Variants in NRG4 observed in about 807,000 individuals in gnomAD.
The protein encoded by NRG4 is neuregulin 4, also known as pro-neuregulin-4, membrane-bound isoform.
NRG4 carries 10 observed loss-of-function variants against 15.0 expected under a neutral mutation model. The ratio of observed to expected loss-of-function variants is 0.67; its 90% confidence interval spans 0.41 to 1.13. The LOEUF is 1.13. Among genes scored for constraint, NRG4 ranks in the 50% most tolerant of loss-of-function variants. The probability of loss-of-function intolerance (pLI) is 0.00; values close to 1 mark genes in which losing one functional copy is unlikely to be tolerated. For synonymous variants in NRG4, 41 were observed against 50.1 expected, an observed-to-expected ratio of 0.82 and a Z score of 0.77; for missense variants, 139 against 140.2, an observed-to-expected ratio of 0.99 and a Z score of 0.04.
intron 5 of NRG4, among the ~76,000 whole-genome samples, chr15:75,946,427 A>C (rs932224463): frequency 6.6e-6 from 1 of 152,070 alleles, no homozygotes; most frequent in African/African-American, 2.4e-5. Flanking sequence ...GCACGATCTC[A>C]GCTCACTGCA....
At chr15:75,947,298 G>A (rs1264264375) in intron 5 of NRG4, among the ~76,000 whole-genome samples, 2 of 152,108 alleles carry the variant, frequency 1.3e-5, no homozygotes, top group Non-Finnish European at 1.5e-5. Flanking sequence ...TGCACCCAGA[G>A]GACCAGCCAA....
chr15:75,982,089 G>C (rs981773917), intron 3 of NRG4, among the ~76,000 whole-genome samples: 4 of 152,086 alleles, frequency 2.6e-5, no homozygotes, highest in Non-Finnish European at 4.4e-5. Flanking sequence ...TTAAACATTA[G>C]ATAATTCTAA....
At chr15:75,986,244 G>GT (rs1161187293) in intron 3 of NRG4, among the ~76,000 whole-genome samples, 1 of 152,068 alleles carries the variant, frequency 6.6e-6, no homozygotes, top group Non-Finnish European at 1.5e-5. Flanking sequence ...TATACAGCTG[G>GT]TAAGAATTCA....
At chr15:76,015,812 C>T (rs1232362012), upstream of NRG4, among the ~76,000 whole-genome samples, 5 of 151,980 alleles carry the variant, frequency 3.3e-5, no homozygotes, top group African/African-American at 7.2e-5. Context: ...GTTTTGTTTT[C>T]TTGTTGTATC....
intron 4 of NRG4, among the ~76,000 whole-genome samples, chr15:75,958,488 C>T (rs1480420164): frequency 6.6e-6 from 1 of 152,132 alleles, no homozygotes; most frequent in Non-Finnish European, 1.5e-5. Context: ...CTGTGAGACG[C>T]TTTTCAAGGT....
At chr15:75,958,700 T>TAC (rs950763353) in intron 4 of NRG4, among the ~76,000 whole-genome samples, 1 of 140,502 alleles carries the variant, frequency 7.1e-6, no homozygotes, top group Non-Finnish European at 1.5e-5. Context: ...TTCTTGTTCT[T>TAC]ATATATATAC....
chr15:76,006,818 G>C (rs1001701077), intron 3 of NRG4, among the ~76,000 whole-genome samples: 3 of 152,176 alleles, frequency 2.0e-5, no homozygotes, highest in African/African-American at 7.2e-5. Context: ...ACAAAAGCAG[G>C]ATGACAACCT....
chr15:75,968,834 AT>A (rs1196553307), intron 3 of NRG4, among the ~76,000 whole-genome samples: 7 of 152,188 alleles, frequency 4.6e-5, no homozygotes, highest in African/African-American at 1.7e-4. Flanking sequence ...TTAGTTTATT[AT>A]TTTATGATAC....
intron 3 of NRG4, among the ~76,000 whole-genome samples, chr15:75,994,364 GGTGACTGCC>G (rs774778441): frequency 7.2e-5 from 11 of 151,948 alleles, no homozygotes; most frequent in Non-Finnish European, 1.3e-4. Context: ...TTCCAGCTGT[GGTGACTGCC>G]TGCATGTTTC....
At chr15:75,966,005 T>G (rs535687836) in intron 3 of NRG4, among the ~76,000 whole-genome samples, 14 of 152,346 alleles carry the variant, frequency 9.2e-5, no homozygotes, top group African/African-American at 3.4e-4. Context: ...CACCCATGTT[T>G]TCCTGGAATT....
At chr15:76,021,335 T>C (rs2035146574) in intron 5 of NRG4, among the ~76,000 whole-genome samples, 1 of 152,354 alleles carries the variant, frequency 6.6e-6, no homozygotes, top group East Asian at 1.9e-4. Flanking sequence ...TTTTTAACAA[T>C]AAAGTATTTT....
At position 75,977,476 on chromosome 15, in the gene NRG4, G is replaced by C. The variant is rs2141844632; in HGVS notation, c.105-15502C>G. On this transcript the variant is annotated intron_variant, in intron 3 of 5. Transcript: ENST00000394907. The surrounding 1 kb of genome is among the most constrained non-coding windows in gnomAD (Gnocchi z 4.9). ...GGCACCCGAGGGAATCTCCTGGTCT[G>C]CGGGTTGCAAAGACCATGGGAAAAG... 6.6e-6 allele frequency among the ~76,000 whole-genome samples: 1 copy of C among 152,326 alleles called. No homozygotes were observed. Among genetic ancestry groups the C allele is most frequent in the Non-Finnish European group, 1.5e-5 (1 of 68,032 alleles).
chr15:76,023,295 AGAAGGTACCTACAGTGATTGGAAG>A, intron 5 of NRG4, among the ~76,000 whole-genome samples: 1 of 91,984 alleles, frequency 1.1e-5, no homozygotes, highest in Non-Finnish European at 3.1e-5. Flanking sequence ...TTGGAAGCCC[AGAAGGTACCTACAGTGATTGGAAG>A]CAACGGAGAG....
chr15:75,954,207 A>G (rs1042684977), intron 5 of NRG4, among the ~76,000 whole-genome samples: 3 of 149,186 alleles, frequency 2.0e-5, no homozygotes, highest in Non-Finnish European at 4.4e-5. Context: ...CTTCAAGTTC[A>G]CCAATATTTT....
chr15:75,974,910 G>T (rs758868145), intron 3 of NRG4, among the ~76,000 whole-genome samples: 14 of 152,108 alleles, frequency 9.2e-5, no homozygotes, highest in Non-Finnish European at 1.3e-4. Flanking sequence ...GAATATCCTT[G>T]TTAATTTTCT....
At chr15:76,045,574 C>G (rs887203525) in intron 4 of NRG4, among the ~76,000 whole-genome samples, 1 of 150,886 alleles carries the variant, frequency 6.6e-6, no homozygotes, top group Non-Finnish European at 1.5e-5. Flanking sequence ...TACATACATA[C>G]AATGGAGTAC....
intron 5 of NRG4, among the ~76,000 whole-genome samples, chr15:75,949,081 A>T (rs993690520): frequency 1.3e-5 from 2 of 152,168 alleles, no homozygotes; most frequent in African/African-American, 4.8e-5. Context: ...AATTCAATGA[A>T]TTTTAAAATT....
chr15:76,015,838 T>C (rs2034958225), upstream of NRG4, among the ~76,000 whole-genome samples: 1 of 152,244 alleles, frequency 6.6e-6, no homozygotes, highest in African/African-American at 2.4e-5. Flanking sequence ...CAGGCTTTGG[T>C]ATCAGGATGA....
chr15:76,000,082 C>G (rs922812905), intron 3 of NRG4, among the ~76,000 whole-genome samples: 1 of 152,132 alleles, frequency 6.6e-6, no homozygotes, highest in Non-Finnish European at 1.5e-5. Context: ...CGGGGTTTCA[C>G]CATGTTGGCC....
Sources: allele counts gnomAD v4.1 joint callset (sites outside exome capture counted in the v4.1 genomes callset), GRCh38; gene constraint gnomAD v4.1.1; non-coding constraint Gnocchi (gnomAD v3.1); transcripts MANE v1.5; gene names NCBI Gene and HGNC (gene_info 2026-07-23, HGNC 2026-07-21).